The following DNAH14 variants were observed in gnomAD, a reference collection of about 807,000 sequenced individuals.
DNAH14 encodes the protein dynein axonemal heavy chain 14.
In DNAH14, 478 loss-of-function variants were observed where a neutral mutation model predicts 520.9. The ratio of observed to expected loss-of-function variants is 0.92; its 90% confidence interval spans 0.85 to 0.99. DNAH14 has a LOEUF of 0.99. Among genes scored for constraint, DNAH14 ranks in the 50% least tolerant of loss-of-function variants. The probability of loss-of-function intolerance (pLI) is 0.00; values close to 1 mark genes in which losing one functional copy is unlikely to be tolerated. For synonymous variants in DNAH14, 1,581 were observed against 1,757.2 expected (o/e 0.90, Z 2.51); for missense variants, 4,831 against 5,234.5 (o/e 0.92, Z 2.38).
chr1:225,242,492 C>A (rs1188915476), intron 43 of DNAH14, among the ~76,000 whole-genome samples: 2 of 152,068 alleles, frequency 1.3e-5, no homozygotes, highest in African/African-American at 4.8e-5. Context: ...GGGTCAAGTT[C>A]ATCAATATCA....
intron 81 of DNAH14, among the ~76,000 whole-genome samples, chr1:225,383,634 C>T (rs998272683): frequency 6.6e-6 from 1 of 152,138 alleles, no homozygotes; most frequent in Non-Finnish European, 1.5e-5. Context: ...CATTCAGAGA[C>T]GAGGTGAGCA....
rs554377917 is a variant in DNAH14 at position 225,217,226 on chromosome 1, C to A, written c.6439+10006C>A. Among the ~76,000 whole-genome samples, 18 of 152,324 alleles carry A rather than the reference C, an allele frequency of 1.2e-4. No homozygotes were observed. The South Asian group carries it at 3.3e-3, about 28-fold the overall frequency. The stretch of plus-strand genomic sequence containing the variant: ...GGAGGCTGCAGAACAGCAAATATTG[C>A]AGAACAGCAAATGTTGCTGTGTGAT... On this transcript the variant is annotated intron_variant, in intron 41 of 85. Transcript: ENST00000682510.
intron 25 of DNAH14, 116 bp from the exon 26 acceptor site, chr1:225,119,104 T>C (rs1283565438): frequency 1.5e-6 from 1 of 650,524 alleles, no homozygotes; most frequent in African/African-American, 1.9e-5. Context: ...TAGTAGTCCT[T>C]TGGCCCATGA....
chr1:225,311,981 A>G (rs1463828767), intron 60 of DNAH14, among the ~76,000 whole-genome samples: 2 of 152,146 alleles, frequency 1.3e-5, no homozygotes, highest in East Asian at 3.9e-4. Flanking sequence ...ATTCTGTGAA[A>G]AAAAGTCAAT....
chr1:224,968,359 T>TA (rs1206000924), intron 6 of DNAH14, among the ~76,000 whole-genome samples: 1 of 151,944 alleles, frequency 6.6e-6, no homozygotes, highest in Non-Finnish European at 1.5e-5. Context: ...TGAATGTCAA[T>TA]ATAGGGTATG....
chr1:225,106,197 T>C (rs1247457082), intron 23 of DNAH14, among the ~76,000 whole-genome samples: 1 of 151,456 alleles, frequency 6.6e-6, no homozygotes, highest in African/African-American at 2.5e-5. Context: ...TTTAAGAATG[T>C]TGAATATTGG....
rs189895054 is a variant in DNAH14, at chr1:224,955,113, T to G, written c.217+15T>G. 1.9e-6 allele frequency: 3 copies of G among 1,604,974 alleles called. No homozygotes were observed. The East Asian group carries it at 6.7e-5, about 36-fold the overall frequency. The stretch of plus-strand genomic sequence containing the variant: ...GAAAACAGAAGGTATTTATCAAGAT[T>G]ACTATTCTGGCATGTTGATTTATAT... On this transcript the variant is annotated intron_variant, in intron 3 of 85. Coordinates refer to ENST00000682510, the MANE Select transcript of DNAH14 (RefSeq NM_001367479.1).
chr1:225,377,330 A>G lies in DNAH14; in HGVS notation c.12610A>G (p.Ile4204Val). The G allele has an allele frequency of 1.3e-6, 2 of 1,550,870 alleles. No individual in the cohort carries two copies. The change falls in exon 79 of 86, where the codon ATA becomes GTA. Residue 4204 changes from isoleucine to valine, a missense_variant. Coordinates refer to ENST00000682510, the MANE Select transcript of DNAH14 (RefSeq NM_001367479.1). ...TGATGACCTTCCCGAGGTCTTAGGA[A>G]TACACCCAGAGGCCATCAGGAGCTG... ...PDDDLPEVLGIHPEAIRSCWE... is the reference protein window; with the variant it reads ...PDDDLPEVLGVHPEAIRSCWE...
At chr1:225,046,814 T>C (rs992597802) in intron 15 of DNAH14, among the ~76,000 whole-genome samples, 6 of 152,230 alleles carry the variant, frequency 3.9e-5, no homozygotes, top group Admixed American at 1.3e-4. Context: ...ACAGTATTAC[T>C]GTTATTTATT....
At chr1:225,162,995 G>A (rs1253622181) in intron 35 of DNAH14, among the ~76,000 whole-genome samples, 3 of 151,770 alleles carry the variant, frequency 2.0e-5, no homozygotes, top group Admixed American at 6.6e-5. Flanking sequence ...AAAATTAGCG[G>A]GGCGTGGTGG....
intron 36 of DNAH14, among the ~76,000 whole-genome samples, chr1:225,174,227 A>G (rs577135447): frequency 6.6e-5 from 10 of 152,250 alleles, no homozygotes; most frequent in South Asian, 4.2e-4. Context: ...TAACCTGCAC[A>G]TTGTGCACAT....
intron 23 of DNAH14, among the ~76,000 whole-genome samples, chr1:225,113,954 C>T (rs1223080050): frequency 6.6e-6 from 1 of 152,190 alleles, no homozygotes; most frequent in Non-Finnish European, 1.5e-5. Flanking sequence ...ACCCCAAGTG[C>T]CTGCTTGGTG....
chr1:225,300,912 G>A lies in DNAH14; in HGVS notation c.8513G>A (p.Arg2838Lys). The change falls in exon 56 of 86, where the codon AGA becomes AAA. Residue 2838 changes from arginine to lysine, a missense_variant. By Grantham distance (26) the Arg-to-Lys change is conservative. Transcript: ENST00000682510. ...EDLNYIISSG[R>K]IPDLFENVEL... Reference sequence around the variant, plus strand: ...TTGAACTACATCATCAGTTCAGGAAGAATACCTGACCTGTTTGAAAATGTT... The same window carrying A: ...TTGAACTACATCATCAGTTCAGGAAAAATACCTGACCTGTTTGAAAATGTT... The A allele has an allele frequency of 6.4e-7, 1 of 1,551,262 alleles. No homozygotes were observed. Among genetic ancestry groups the A allele is most frequent in the Middle Eastern group, 1.7e-4 (1 of 5,982 alleles).
At chr1:224,989,920 T>C (rs1436373200) in intron 8 of DNAH14, among the ~76,000 whole-genome samples, 1 of 152,102 alleles carries the variant, frequency 6.6e-6, no homozygotes, top group African/African-American at 2.4e-5. Context: ...TCCCTATTGG[T>C]CATGATGCAT....
chr1:225,220,468 CA>C (rs1490381627), intron 41 of DNAH14, among the ~76,000 whole-genome samples: 1 of 152,172 alleles, frequency 6.6e-6, no homozygotes, highest in Non-Finnish European at 1.5e-5. Context: ...TCTCAGGATA[CA>C]AAATCAACGT....
chr1:225,069,988 G>C (rs115164312), intron 17 of DNAH14, among the ~76,000 whole-genome samples: 93 of 152,014 alleles, frequency 6.1e-4, no homozygotes, highest in Non-Finnish European at 9.6e-4. Context: ...TCTAGCTTAT[G>C]TCTGTAGAGG....
chr1:225,317,262 T>G (rs1312230775), intron 60 of DNAH14, among the ~76,000 whole-genome samples: 2 of 152,160 alleles, frequency 1.3e-5, no homozygotes, highest in African/African-American at 2.4e-5. Context: ...CTTGGATAAT[T>G]AGACAAAACA....
rs1346240941 is a variant in DNAH14, at chr1:225,258,133, T to C, written c.7024+15T>C. 2.0e-6 allele frequency: 3 copies of C among 1,468,558 alleles called. No homozygotes were observed. The East Asian group carries it at 8.0e-5, about 39-fold the overall frequency. The allele number at this position is 1,468,558 out of a possible 1,614,324, so 91.0% of individuals were successfully genotyped here. On this transcript the variant is annotated intron_variant, in intron 45 of 85. Transcript: ENST00000682510. ...ACTTCTCACAGGTATTACAAATATT[T>C]AATAGAAGGAGAATTTCAGAGTTAG...
chr1:224,951,926 A>G (rs1186079568), intron 1 of DNAH14, among the ~76,000 whole-genome samples: 1 of 152,178 alleles, frequency 6.6e-6, no homozygotes, highest in Non-Finnish European at 1.5e-5. Flanking sequence ...GGCGTGAGCC[A>G]CGGCGCCCGG....
Sources: allele counts gnomAD v4.1 joint callset (sites outside exome capture counted in the v4.1 genomes callset), GRCh38; gene constraint gnomAD v4.1.1; transcripts MANE v1.5; gene names NCBI Gene and HGNC (gene_info 2026-07-23, HGNC 2026-07-21).